Variants in KCNQ2 observed in about 807,000 individuals in gnomAD.
KCNQ2 encodes the protein potassium voltage-gated channel subfamily Q member 2.
Under a neutral mutation model 84.8 loss-of-function variants are expected in KCNQ2, and 14 were observed. The ratio of observed to expected loss-of-function variants is 0.17; its 90% CI spans 0.11 to 0.26. The LOEUF is 0.26. Among genes scored for constraint, KCNQ2 ranks in the 10% least tolerant of loss-of-function variants. The pLI is 1.00. For missense variants in KCNQ2, 788 were observed against 1,254.0 expected (o/e 0.63, Z 5.61); for synonymous variants, 599 against 554.1 (o/e 1.08, Z -1.14).
rs768231058 is a variant in KCNQ2 at position 63,406,459 on chromosome 20, T to G, written c.*185A>C. 3 of 729,426 alleles carry G rather than the reference T, an allele frequency of 4.1e-6. No individual in the cohort carries two copies. The highest frequency in any genetic ancestry group is 6.5e-6 in the Non-Finnish European group (3 of 459,272). 45.2% of individuals were successfully genotyped at this position (729,426 alleles called of 1,614,324 possible). A position where few individuals can be genotyped will look rare whatever the true frequency, so the allele number is the denominator to read the frequency against. ...CAGCCCTCCAGCCCCTGTTGGAAAA[T>G]AACTTTTGTAAAAGGTCACTGCCAG... On this transcript the variant is annotated 3_prime_UTR_variant, in exon 17 of 17. Coordinates refer to ENST00000359125, the MANE Select transcript of KCNQ2 (RefSeq NM_172107.4).
intron 1 of KCNQ2, among the ~76,000 whole-genome samples, chr20:63,454,475 C>T (rs545333299): frequency 1.2e-4 from 18 of 152,310 alleles, no homozygotes; most frequent in East Asian, 3.9e-4. Flanking sequence ...GTCTGGGGGA[C>T]GCAAAGATCC....
intron 11 of KCNQ2, chr20:63,422,660 A>T (rs1398410879): frequency 2.0e-5 from 3 of 152,212 alleles, no homozygotes; most frequent in Non-Finnish European, 4.4e-5. Context: ...CCCCAAAGAG[A>T]GGGCAGACGA....
chr20:63,429,508 GC>G (rs1466486022), intron 9 of KCNQ2, among the ~76,000 whole-genome samples: 2 of 152,076 alleles, frequency 1.3e-5, no homozygotes, highest in Non-Finnish European at 2.9e-5. Context: ...CCCTGGAGAT[GC>G]CCCTGCCCGT....
Position 63,438,214 on chromosome 20 carries a change from C to T in KCNQ2, c.1023+411G>A. 1 of 313,496 alleles carries T rather than the reference C, an allele frequency of 3.2e-6. No individual in the cohort carries two copies. Among genetic ancestry groups the T allele is most frequent in the Non-Finnish European group, 6.2e-6 (1 of 160,828 alleles). 19.4% of individuals were successfully genotyped at this position (313,496 alleles called of 1,614,324 possible). ...TGGTGGGACGGCACTGGGTGGGGTC[C>T]GGGCGGGCATCATGGGGGCCCACAG... On this transcript the variant is annotated intron_variant, in intron 7 of 16. Transcript: ENST00000359125. The surrounding 1 kb of genome is among the most constrained non-coding windows in gnomAD (Gnocchi z 5.1).
intron 12 of KCNQ2, 140 bp from the exon 13 acceptor site, chr20:63,415,266 CG>C (rs2080255613): frequency 3.7e-6 from 2 of 544,162 alleles, no homozygotes; most frequent in African/African-American, 1.9e-5. Flanking sequence ...GCCAGCCACA[CG>C]GGTGGCTCAG....
chr20:63,412,899 T>C (rs1358859794), intron 15 of KCNQ2, among the ~76,000 whole-genome samples: 2 of 152,186 alleles, frequency 1.3e-5, no homozygotes, highest in African/African-American at 4.8e-5. Flanking sequence ...GCTGCACATG[T>C]GTGGGCACGT....
At position 63,446,392 on chromosome 20, in the gene KCNQ2, G is replaced by A. The variant is rs1463878483; in HGVS notation, c.387+355C>T. On this transcript the variant is annotated intron_variant, in intron 2 of 16. Coordinates refer to ENST00000359125, the MANE Select transcript of KCNQ2 (RefSeq NM_172107.4). This position sits in a 1 kb window ranked among gnomAD's most constrained non-coding sequence, Gnocchi z 5.5. Reference sequence around the variant, plus strand: ...CAAGCGTCACAGCCCCCACCCCGACGCCCACGTCTGCCGTCTGCTGGGGAC... The same window carrying A: ...CAAGCGTCACAGCCCCCACCCCGACACCCACGTCTGCCGTCTGCTGGGGAC... Among the ~76,000 whole-genome samples the A allele has an allele frequency of 6.6e-6, 1 of 152,182 alleles. No individual in the cohort carries two copies. Among genetic ancestry groups the A allele is most frequent in the Non-Finnish European group, 1.5e-5 (1 of 68,018 alleles).
intron 4 of KCNQ2, among the ~76,000 whole-genome samples, 170 bp from the exon 5 acceptor site, chr20:63,442,701 TCACCATCAC>T (rs1568933868): frequency 2.5e-3 from 119 of 48,016 alleles, no homozygotes; most frequent in East Asian, 9.0e-3. Flanking sequence ...ATCACCACCA[TCACCATCAC>T]CACCACCACC....
chr20:63,465,629 C>A (rs967764607), intron 1 of KCNQ2, among the ~76,000 whole-genome samples: 4 of 152,230 alleles, frequency 2.6e-5, no homozygotes, highest in African/African-American at 9.7e-5. Flanking sequence ...AGTTCCTCGG[C>A]GACAAGCTCA....
intron 1 of KCNQ2, among the ~76,000 whole-genome samples, chr20:63,458,060 C>A (rs1461120966): frequency 6.6e-6 from 1 of 152,126 alleles, no homozygotes; most frequent in Non-Finnish European, 1.5e-5. Context: ...AGTGCCCAGC[C>A]CAGCCCCATG....
chr20:63,417,297 C>G (rs997867667), intron 12 of KCNQ2, among the ~76,000 whole-genome samples: 3 of 152,232 alleles, frequency 2.0e-5, no homozygotes, highest in Non-Finnish European at 2.9e-5. Flanking sequence ...CTCTCTTTCT[C>G]CACCGCACGA....
chr20:63,433,644 G>C, intron 8 of KCNQ2, 165 bp downstream of exon 8: 1 of 1,329,486 alleles, frequency 7.5e-7, no homozygotes, highest in Non-Finnish European at 1.1e-6. Flanking sequence ...ACAAAGGGCA[G>C]AAGCAACGCC....
intron 1 of KCNQ2, among the ~76,000 whole-genome samples, chr20:63,466,048 CCA>C (rs2082073557): frequency 6.6e-6 from 1 of 152,150 alleles, no homozygotes; most frequent in African/African-American, 2.4e-5. Context: ...TAAAACCTGC[CCA>C]CAGTGGTTTC....
chr20:63,440,376 G>A (rs1036252144), intron 5 of KCNQ2, among the ~76,000 whole-genome samples: 1 of 152,154 alleles, frequency 6.6e-6, no homozygotes, highest in African/African-American at 2.4e-5. Flanking sequence ...AAGCAGCTCC[G>A]ACAAGAGATG....
chr20:63,411,598 C>T (rs2080123416), intron 15 of KCNQ2, among the ~76,000 whole-genome samples: 1 of 152,180 alleles, frequency 6.6e-6, no homozygotes, highest in Non-Finnish European at 1.5e-5. Context: ...CACAGCCTGC[C>T]TGGGGCCCTG....
intron 1 of KCNQ2, among the ~76,000 whole-genome samples, chr20:63,462,110 C>A (rs1428828338): frequency 7.3e-6 from 1 of 137,110 alleles, no homozygotes; most frequent in Non-Finnish European, 1.6e-5. Context: ...GCACCCACCC[C>A]AGGGAGCAGG....
At chr20:63,439,972 G>A (rs935622748) in intron 5 of KCNQ2, among the ~76,000 whole-genome samples, 4 of 152,258 alleles carry the variant, frequency 2.6e-5, no homozygotes, top group African/African-American at 9.6e-5. Context: ...CAGAGGCCCA[G>A]CGACGTGACT....
chr20:63,451,771 C>G (rs974645386), intron 1 of KCNQ2, among the ~76,000 whole-genome samples: 2 of 152,108 alleles, frequency 1.3e-5, no homozygotes, highest in African/African-American at 4.8e-5. Flanking sequence ...CCCCCTGCAG[C>G]CCCCCTCCCA....
intron 1 of KCNQ2, among the ~76,000 whole-genome samples, chr20:63,450,046 C>T (rs141458531): frequency 9.9e-5 from 15 of 152,060 alleles, no homozygotes; most frequent in Admixed American, 5.9e-4. Context: ...CGCCACCACA[C>T]GAGCTCACTG....
Sources: allele counts gnomAD v4.1 joint callset (sites outside exome capture counted in the v4.1 genomes callset), GRCh38; gene constraint gnomAD v4.1.1; non-coding constraint Gnocchi (gnomAD v3.1); transcripts MANE v1.5; gene names NCBI Gene and HGNC (gene_info 2026-07-23, HGNC 2026-07-21).